The following PROSER2 variants were observed in gnomAD, a reference collection of about 807,000 sequenced individuals.
The protein encoded by PROSER2 is proline and serine-rich protein 2.
A neutral mutation model predicts 14.6 loss-of-function variants in PROSER2; 18 were observed. The observed-to-expected ratio is 1.23, with a 90% confidence interval of 0.85 to 1.83. The LOEUF (loss-of-function observed/expected upper bound fraction) is 1.83. Among genes scored for constraint, PROSER2 ranks in the 40% most tolerant of loss-of-function variants. The probability of loss-of-function intolerance (pLI) is 0.00; values close to 1 mark genes in which losing one functional copy is unlikely to be tolerated. For synonymous variants in PROSER2, 367 were observed against 286.4 expected, an observed-to-expected ratio of 1.28 and a Z score of -2.84; for missense variants, 823 against 629.8, an observed-to-expected ratio of 1.31 and a Z score of -3.28.
intron 1 of PROSER2, among the ~76,000 whole-genome samples, chr10:11,840,014 A>G (rs1833814682): frequency 6.6e-6 from 1 of 151,228 alleles, no homozygotes; most frequent in Non-Finnish European, 1.5e-5. Context: ...TGCAGTGGCC[A>G]TGATCTCAGC....
chr10:11,842,875 G>A (rs1252296883), intron 1 of PROSER2, among the ~76,000 whole-genome samples: 1 of 143,280 alleles, frequency 7.0e-6, no homozygotes, highest in South Asian at 2.3e-4. Flanking sequence ...TTTTCAGCCT[G>A]TCTTGGTTTC....
chr10:11,833,527 C>A (rs1238418520), intron 1 of PROSER2, among the ~76,000 whole-genome samples: 1 of 151,850 alleles, frequency 6.6e-6, no homozygotes, highest in Non-Finnish European at 1.5e-5. Flanking sequence ...CCCATCTCTA[C>A]TCAAAATACA....
Position 11,870,494 on chromosome 10 carries a change from A to C in PROSER2, c.*88A>C. The C allele has an allele frequency of 8.6e-7, 1 of 1,169,130 alleles. No homozygotes were observed. Among genetic ancestry groups the C allele is most frequent in the Non-Finnish European group, 1.1e-6 (1 of 876,692 alleles). The allele number at this position is 1,169,130 out of a possible 1,614,324, so 72.4% of individuals were successfully genotyped here. A position where few individuals can be genotyped will look rare whatever the true frequency, so the allele number is the denominator to read the frequency against. ...CTGCACCCAGGAGCTGTTTGGTCTA[A>C]AATGGAAGTGACAGCGGGAGCCCCT... On this transcript the variant is annotated 3_prime_UTR_variant, in exon 4 of 4. Coordinates refer to ENST00000277570, the MANE Select transcript of PROSER2 (RefSeq NM_153256.4).
At chr10:11,860,848 G>A (rs1172968399) in intron 2 of PROSER2, among the ~76,000 whole-genome samples, 1 of 152,020 alleles carries the variant, frequency 6.6e-6, no homozygotes, top group African/African-American at 2.4e-5. Flanking sequence ...GCTCATGCTT[G>A]TAATCCCAGC....
In PROSER2 at chr10:11,865,996, G is replaced by T. The variant is rs539007152; in HGVS notation, c.139-535G>T. On this transcript the variant is annotated intron_variant, in intron 2 of 3. Coordinates refer to ENST00000277570, the MANE Select transcript of PROSER2 (RefSeq NM_153256.4). The surrounding 1 kb of genome is among the most constrained non-coding windows in gnomAD (Gnocchi z 4.2). Reference sequence around the variant, plus strand: ...TCAGTTTCCACCTGTCCTGCTCTCCGGCTGCCCTGCTTTTGGCTGTTGGAT... The same window carrying T: ...TCAGTTTCCACCTGTCCTGCTCTCCTGCTGCCCTGCTTTTGGCTGTTGGAT... Among the ~76,000 whole-genome samples, 3 of 152,180 alleles carry T rather than the reference G, an allele frequency of 2.0e-5. No individual in the cohort carries two copies. The highest frequency in any genetic ancestry group is 7.2e-5 in the African/African-American group (3 of 41,490).
At chr10:11,847,847 C>G (rs1310271965) in intron 1 of PROSER2, among the ~76,000 whole-genome samples, 1 of 152,220 alleles carries the variant, frequency 6.6e-6, no homozygotes, top group Non-Finnish European at 1.5e-5. Context: ...CAGCTTTTCT[C>G]TTCTTACCTG....
At position 11,867,637 on chromosome 10, in the gene PROSER2, G is replaced by A. The variant is rs367669005; in HGVS notation, c.391+854G>A. On this transcript the variant is annotated intron_variant, in intron 3 of 3. Coordinates refer to ENST00000277570, the MANE Select transcript of PROSER2 (RefSeq NM_153256.4). ...AGACCCTGTCTCAAAAAAAGAAAGA[G>A]AATCTCATACCACTGCTGACGTGGC... Among the ~76,000 whole-genome samples the A allele has an allele frequency of 6.6e-5, 10 of 152,296 alleles. No homozygotes were observed. In the South Asian group the frequency reaches 2.1e-3, roughly 32 times the overall value.
intron 1 of PROSER2, 95 bp from the exon 2 acceptor site, chr10:11,851,902 A>G: frequency 1.9e-6 from 1 of 537,018 alleles, no homozygotes; most frequent in Non-Finnish European, 2.9e-6. Context: ...GTCGAGTCTG[A>G]GAGTGGAGAT....
rs1198980005 is a variant in PROSER2, at chr10:11,866,951, A to C, written c.391+168A>C. ...CAGTTTCATCATCCAGCAAAGGGAA[A>C]TGCCAGAGGGCCTAGAATAAAGAAT... On this transcript the variant is annotated intron_variant, in intron 3 of 3. Coordinates refer to ENST00000277570, the MANE Select transcript of PROSER2 (RefSeq NM_153256.4). The surrounding 1 kb of genome is among the most constrained non-coding windows in gnomAD (Gnocchi z 6.0). Among the ~76,000 whole-genome samples the C allele has an allele frequency of 6.6e-6, 1 of 152,212 alleles. No homozygotes were observed. Among genetic ancestry groups the C allele is most frequent in the African/African-American group, 2.4e-5 (1 of 41,438 alleles).
At position 11,828,298 on chromosome 10, in the gene PROSER2, T is replaced by C. The variant is rs111923226; in HGVS notation, c.-82+4828T>C. ...ACATATTACTTAAAGGAACTCTCTGTGTGAAAAAAAAAAAAAAAAGTCTAT... is the reference window on the plus strand; with the variant it reads ...ACATATTACTTAAAGGAACTCTCTGCGTGAAAAAAAAAAAAAAAAGTCTAT... On this transcript the variant is annotated intron_variant, in intron 1 of 3. Coordinates refer to ENST00000277570, the MANE Select transcript of PROSER2 (RefSeq NM_153256.4). Among the ~76,000 whole-genome samples, 1,048 of 120,564 alleles carry C rather than the reference T, an allele frequency of 8.7e-3. 9 individuals carry two copies. The highest frequency in any genetic ancestry group is 0.028 in the African/African-American group (996 of 35,144). 79.1% of individuals were successfully genotyped at this position (120,564 alleles called of 152,430 possible).
At position 11,865,958 on chromosome 10, in the gene PROSER2, T is replaced by C. The variant is rs758296234; in HGVS notation, c.139-573T>C. Reference sequence around the variant, plus strand: ...GCAGCAGGTGGGTCACTGGCTTTCCTGGGCCTTCTCAGTCAGTTTCCACCT... The same window carrying C: ...GCAGCAGGTGGGTCACTGGCTTTCCCGGGCCTTCTCAGTCAGTTTCCACCT... On this transcript the variant is annotated intron_variant, in intron 2 of 3. Coordinates refer to ENST00000277570, the MANE Select transcript of PROSER2 (RefSeq NM_153256.4). This position sits in a 1 kb window ranked among gnomAD's most constrained non-coding sequence, Gnocchi z 4.2. Among the ~76,000 whole-genome samples the C allele has an allele frequency of 2.0e-5, 3 of 152,204 alleles. No individual in the cohort carries two copies. Among genetic ancestry groups the C allele is most frequent in the Non-Finnish European group, 2.9e-5 (2 of 68,030 alleles).
intron 1 of PROSER2, among the ~76,000 whole-genome samples, chr10:11,827,330 TGTCTGCTGAGAACTC>T (rs200860144): frequency 0.064 from 9,726 of 152,202 alleles, 393 homozygotes; most frequent in Non-Finnish European, 0.096. Flanking sequence ...TTTAGAGAAA[TGTCTGCTGAGAACTC>T]GATTCTCTTT....
At chr10:11,832,201 A>G (rs1588483160) in intron 1 of PROSER2, among the ~76,000 whole-genome samples, 1 of 152,120 alleles carries the variant, frequency 6.6e-6, no homozygotes, top group Admixed American at 6.6e-5. Context: ...AATGTTTCAA[A>G]CTCCAGAACA....
chr10:11,845,189 A>G (rs1833905446), intron 1 of PROSER2, among the ~76,000 whole-genome samples: 1 of 152,156 alleles, frequency 6.6e-6, no homozygotes, highest in Non-Finnish European at 1.5e-5. Context: ...ATTTCCCCAA[A>G]TGGAATTGCT....
At position 11,838,588 on chromosome 10, in the gene PROSER2, G is replaced by C. The variant is rs1375628088; in HGVS notation, c.-81-13409G>C. On this transcript the variant is annotated intron_variant, in intron 1 of 3. Coordinates refer to ENST00000277570, the MANE Select transcript of PROSER2 (RefSeq NM_153256.4). The surrounding 1 kb of genome is among the most constrained non-coding windows in gnomAD (Gnocchi z 4.4). ...GCTTAGTTTCTCTAAGTATTGCCCA[G>C]TTGCCCTACAGAAAGGTTGTATGAA... Among the ~76,000 whole-genome samples, 1 of 152,230 alleles carries C rather than the reference G, an allele frequency of 6.6e-6. No individual in the cohort carries two copies. The highest frequency in any genetic ancestry group is 2.4e-5 in the African/African-American group (1 of 41,460).
chr10:11,867,661 G>C (rs1449489813), intron 3 of PROSER2, among the ~76,000 whole-genome samples: 1 of 152,190 alleles, frequency 6.6e-6, no homozygotes, highest in Non-Finnish European at 1.5e-5. Context: ...TGCTGACGTG[G>C]CAGGAGGTGG....
intron 1 of PROSER2, among the ~76,000 whole-genome samples, chr10:11,826,516 C>G (rs866060630): frequency 6.6e-6 from 1 of 152,228 alleles, no homozygotes; most frequent in South Asian, 2.1e-4. Context: ...GTTCTAATTT[C>G]TCGACATCCT....
At chr10:11,868,432 T>G (rs1219008649) in intron 3 of PROSER2, among the ~76,000 whole-genome samples, 7 of 151,242 alleles carry the variant, frequency 4.6e-5, no homozygotes, top group African/African-American at 1.7e-4. Flanking sequence ...TGTGCCACCA[T>G]GCCTGGCTAA....
In PROSER2 at chr10:11,872,122, T is replaced by A. The variant is rs1316003396; in HGVS notation, c.*1716T>A. ...AGTGTTCAATAATAGAAGGTCTTGA[T>A]ACAACCGACATTTTAAATATTCTTT... On this transcript the variant is annotated 3_prime_UTR_variant, in exon 4 of 4. Transcript: ENST00000277570. The A allele has an allele frequency of 2.0e-5, 3 of 152,258 alleles. No homozygotes were observed. The highest frequency in any genetic ancestry group is 1.5e-5 in the Non-Finnish European group (1 of 68,048). 9.4% of individuals were successfully genotyped at this position (152,258 alleles called of 1,614,324 possible).
Sources: allele counts gnomAD v4.1 joint callset (sites outside exome capture counted in the v4.1 genomes callset), GRCh38; gene constraint gnomAD v4.1.1; non-coding constraint Gnocchi (gnomAD v3.1); transcripts MANE v1.5; gene names NCBI Gene and HGNC (gene_info 2026-07-23, HGNC 2026-07-21).